TMEM71: variants seen among roughly 807,000 people sequenced by gnomAD.
TMEM71 encodes the protein transmembrane protein 71.
Under a neutral mutation model 38.0 loss-of-function variants are expected in TMEM71, and 44 were observed. The observed-to-expected ratio is 1.16, with a 90% CI of 0.91 to 1.49. The LOEUF is 1.49. Among genes scored for constraint, TMEM71 ranks in the 40% most tolerant of loss-of-function variants. TMEM71 has a pLI of 0.00. For missense variants in TMEM71, 367 were observed against 348.6 expected, an observed-to-expected ratio of 1.05 and a Z score of -0.42; for synonymous variants, 133 against 122.5, an observed-to-expected ratio of 1.09 and a Z score of -0.56.
chr8:132,722,356 A>T (rs557648553), intron 6 of TMEM71, among the ~76,000 whole-genome samples: 109 of 152,332 alleles, frequency 7.2e-4, no homozygotes, highest in African/African-American at 1.7e-3. Flanking sequence ...ATAAAAGACT[A>T]TGCTATTTTC....
chr8:132,723,903 A>C (rs1036376377), intron 6 of TMEM71, among the ~76,000 whole-genome samples: 1 of 152,202 alleles, frequency 6.6e-6, no homozygotes, highest in Non-Finnish European at 1.5e-5. Flanking sequence ...CTGAGAAATA[A>C]ACAGAAAGAG....
upstream of TMEM71, among the ~76,000 whole-genome samples, chr8:132,765,163 A>AT (rs545161851): frequency 2.5e-3 from 375 of 152,298 alleles, 2 homozygotes; most frequent in South Asian, 0.011. Context: ...GTGAACCTAC[A>AT]TTTCTCAGAA....
chr8:132,715,574 C>A (rs948928884), intron 7 of TMEM71, among the ~76,000 whole-genome samples: 1 of 151,944 alleles, frequency 6.6e-6, no homozygotes, highest in Admixed American at 6.6e-5. Flanking sequence ...ACAGTTGCAC[C>A]CCTTGGTATT....
At chr8:132,740,231 C>G (rs1389041426) in intron 5 of TMEM71, among the ~76,000 whole-genome samples, 1 of 152,148 alleles carries the variant, frequency 6.6e-6, no homozygotes, top group African/African-American at 2.4e-5. Context: ...GGCTCTGAGA[C>G]TAGAACTTGT....
intron 6 of TMEM71, among the ~76,000 whole-genome samples, chr8:132,723,122 G>A (rs1265533909): frequency 1.3e-5 from 2 of 152,176 alleles, no homozygotes; most frequent in Admixed American, 1.3e-4. Flanking sequence ...CCCATAATGC[G>A]GGTGGAATGC....
chr8:132,725,152 C>T lies in TMEM71; in HGVS notation c.676+2646G>A, dbSNP rs565879248. On this transcript the variant is annotated intron_variant, in intron 6 of 9. Transcript: ENST00000677595. ...TCTTAGGCTCAGGTGATTCTCCCAC[C>T]TCAGCTTCCCAGCTAGCTGGAAATT... Among the ~76,000 whole-genome samples the T allele has an allele frequency of 1.8e-4, 27 of 152,052 alleles. 1 individual carries two copies. Among genetic ancestry groups the T allele is most frequent in the Middle Eastern group, 6.8e-3 (2 of 294 alleles).
Position 132,714,068 on chromosome 8 carries a change from G to A in TMEM71, c.815-16C>T, listed in dbSNP as rs757061127. 1 of 1,613,750 alleles carries A rather than the reference G, an allele frequency of 6.2e-7. No individual in the cohort carries two copies. Among genetic ancestry groups the A allele is most frequent in the African/African-American group, 1.3e-5 (1 of 74,914 alleles). On this transcript the variant is annotated splice_polypyrimidine_tract_variant and intron_variant, in intron 8 of 9. Transcript: ENST00000677595. ...GATTTCACATCTTGAGTGAAACAGA[G>A]AAAATATTTTAAAATCATTTTAAAG...
intron 3 of TMEM71, among the ~76,000 whole-genome samples, chr8:132,755,558 A>G (rs1241645931): frequency 6.6e-6 from 1 of 152,192 alleles, no homozygotes; most frequent in Non-Finnish European, 1.5e-5. Context: ...GCCTCCTAGG[A>G]TAGGACAAAG....
intron 3 of TMEM71, 28 bp downstream of exon 3, chr8:132,757,206 T>C (rs747545756): frequency 2.5e-6 from 4 of 1,575,752 alleles, no homozygotes; most frequent in Non-Finnish European, 3.5e-6. Context: ...AGAATGATTA[T>C]TTTTTTAAAA....
upstream of TMEM71, among the ~76,000 whole-genome samples, chr8:132,763,171 C>A (rs904783755): frequency 2.0e-5 from 3 of 152,182 alleles, no homozygotes; most frequent in African/African-American, 7.2e-5. Flanking sequence ...CCCTCCACAC[C>A]ACTCCCTAGT....
chr8:132,752,049 C>T (rs1828745083), intron 3 of TMEM71, 52 bp from the exon 4 acceptor site: 1 of 1,433,650 alleles, frequency 7.0e-7, no homozygotes, highest in Non-Finnish European at 9.8e-7. Flanking sequence ...ACATCCAGTC[C>T]CAAATAAACC....
intron 6 of TMEM71, among the ~76,000 whole-genome samples, chr8:132,722,603 G>C (rs1294964932): frequency 6.6e-6 from 1 of 152,160 alleles, no homozygotes; most frequent in Admixed American, 6.5e-5. Flanking sequence ...GAGAAATGAT[G>C]AACTTGTCCA....
chr8:132,751,750 A>T (rs1828720499), intron 4 of TMEM71, 35 bp downstream of exon 4: 1 of 1,564,532 alleles, frequency 6.4e-7, no homozygotes, highest in Admixed American at 1.7e-5. Flanking sequence ...GATGGATTGG[A>T]CTTCAGATTT....
At position 132,751,908 on chromosome 8, in the gene TMEM71, C is replaced by T. The variant is rs1173008015; in HGVS notation, c.191G>A (p.Ser64Asn). 1.9e-6 allele frequency: 3 copies of T among 1,614,030 alleles called. No individual in the cohort carries two copies. The highest frequency in any genetic ancestry group is 3.3e-5 in the Admixed American group (2 of 60,012). The change falls in exon 4 of 10, where the codon AGT (serine) becomes AAT (asparagine). Residue 64 changes from serine to asparagine, a missense_variant. By Grantham distance (46) the Ser-to-Asn change is conservative. Transcript: ENST00000677595. ...GTAGCCATTGGTGAGGAGTCTGGGA[C>T]TTCGGCGACAGGTATAGTGGGAGCC... ...LTGSHYTCRR[S>N]PRLLTNGYYI...
chr8:132,721,843 T>C (rs932630029), intron 7 of TMEM71, among the ~76,000 whole-genome samples, 197 bp downstream of exon 7: 15 of 152,126 alleles, frequency 9.9e-5, no homozygotes. Context: ...GCCCACTTTC[T>C]AGGTTTTGTA....
chr8:132,714,042 T>C lies in TMEM71; in HGVS notation c.825A>G (p.Ser275=), dbSNP rs969330103. The C allele has an allele frequency of 5.0e-6, 8 of 1,613,970 alleles. No individual in the cohort carries two copies. In the African/African-American group the frequency reaches 5.3e-5, roughly 11 times the overall value. ...SLMITVAYVK[S]LFLSLASYFK... is the part of the protein sequence containing the mutation. ...AATAGCTGGCAAGGCTGAGAAACAA[T>C]GATTTCACATCTTGAGTGAAACAGA... is the stretch of plus-strand genomic sequence containing the variant. The change falls in exon 9 of 10, where the codon TCA becomes TCG. Residue 275 remains serine (S), a synonymous_variant. Coordinates refer to ENST00000677595, the MANE Select transcript of TMEM71 (RefSeq NM_001382403.1).
At chr8:132,751,528 C>T (rs1828706216) in intron 4 of TMEM71, among the ~76,000 whole-genome samples, 1 of 152,168 alleles carries the variant, frequency 6.6e-6, no homozygotes, top group Non-Finnish European at 1.5e-5. Flanking sequence ...ATGCCCATTC[C>T]CTCTTACCCT....
At chr8:132,724,507 C>T (rs768619935) in intron 6 of TMEM71, among the ~76,000 whole-genome samples, 8 of 152,152 alleles carry the variant, frequency 5.3e-5, no homozygotes, top group Non-Finnish European at 8.8e-5. Context: ...TGCCCGACCC[C>T]GCAGGCAGTC....
intron 5 of TMEM71, among the ~76,000 whole-genome samples, chr8:132,745,219 T>G (rs1828271655): frequency 6.6e-6 from 1 of 152,210 alleles, no homozygotes; most frequent in Admixed American, 6.5e-5. Flanking sequence ...CAAAAGAAAC[T>G]ATCAACAAGA....
Sources: allele counts gnomAD v4.1 joint callset (sites outside exome capture counted in the v4.1 genomes callset), GRCh38; gene constraint gnomAD v4.1.1; transcripts MANE v1.5; gene names NCBI Gene and HGNC (gene_info 2026-07-23, HGNC 2026-07-21).